The following HCN1 variants were observed in gnomAD, a reference collection of about 807,000 sequenced individuals.
The protein encoded by HCN1 is hyperpolarization activated cyclic nucleotide gated potassium channel 1.
In HCN1, 13 loss-of-function variants were observed where a neutral mutation model predicts 78.9. The observed-to-expected ratio is 0.16, with a 90% CI of 0.11 to 0.26. HCN1 has a LOEUF of 0.26. Among genes scored for constraint, HCN1 ranks in the 10% least tolerant of loss-of-function variants. The pLI, the probability that HCN1 is intolerant of heterozygous loss-of-function variation, is 1.00. For missense variants in HCN1, 810 were observed against 1,154.3 expected, an observed-to-expected ratio of 0.70 and a Z score of 4.32; for synonymous variants, 552 against 455.5, an observed-to-expected ratio of 1.21 and a Z score of -2.70.
chr5:45,275,049 C>A lies in HCN1; in HGVS notation c.1619-7796G>T, dbSNP rs188207101. 2.4e-4 allele frequency among the ~76,000 whole-genome samples: 36 copies of A among 152,176 alleles called. 2 individuals carry two copies. The highest frequency in any genetic ancestry group is 7.9e-4 in the African/African-American group (33 of 41,530). On this transcript the variant is annotated intron_variant, in intron 6 of 7. Coordinates refer to ENST00000303230, the MANE Select transcript of HCN1 (RefSeq NM_021072.4). Reference sequence around the variant, plus strand: ...TCACTTGAGGTCAGGAGTTTAAGACCAGCCTGGCCAACATGGTGAAACCCT... The same window carrying A: ...TCACTTGAGGTCAGGAGTTTAAGACAAGCCTGGCCAACATGGTGAAACCCT...
intron 5 of HCN1, among the ~76,000 whole-genome samples, chr5:45,316,849 A>G (rs1470560753): frequency 6.6e-6 from 1 of 152,164 alleles, no homozygotes; most frequent in African/African-American, 2.4e-5. Context: ...TAGGAATCCA[A>G]TTTACAAGGG....
intron 2 of HCN1, among the ~76,000 whole-genome samples, chr5:45,468,167 A>T (rs1456467314): frequency 6.6e-6 from 1 of 152,164 alleles, no homozygotes; most frequent in African/African-American, 2.4e-5. Flanking sequence ...ATCAAAACTT[A>T]AGAAGTCTTT....
chr5:45,308,009 T>C (rs1208762337), intron 5 of HCN1, among the ~76,000 whole-genome samples: 2 of 152,038 alleles, frequency 1.3e-5, no homozygotes, highest in Non-Finnish European at 2.9e-5. Context: ...AGGTGGTGCA[T>C]GGGAGGAGGT....
chr5:45,549,163 A>G (rs1275681368), intron 2 of HCN1, among the ~76,000 whole-genome samples: 1 of 152,136 alleles, frequency 6.6e-6, no homozygotes, highest in Non-Finnish European at 1.5e-5. Flanking sequence ...GTTCATATGG[A>G]ACCAAAAAAG....
chr5:45,567,773 A>G (rs1276830408), intron 2 of HCN1, among the ~76,000 whole-genome samples: 1 of 152,082 alleles, frequency 6.6e-6, no homozygotes, highest in Non-Finnish European at 1.5e-5. Context: ...CTTCACTTGA[A>G]TGGCCATTTT....
chr5:45,696,125 C>A lies in HCN1; in HGVS notation c.-32G>T. On this transcript the variant is annotated 5_prime_UTR_variant, in exon 1 of 8. Coordinates refer to ENST00000303230, the MANE Select transcript of HCN1 (RefSeq NM_021072.4). ...AGGACGCGGCCGGCGACGGCGCGGGCTCCAGACTCGCCGGCCGCCCGGCGC... is the reference window on the plus strand; with the variant it reads ...AGGACGCGGCCGGCGACGGCGCGGGATCCAGACTCGCCGGCCGCCCGGCGC... The A allele has an allele frequency of 7.7e-7, 1 of 1,292,192 alleles. No homozygotes were observed. Among genetic ancestry groups the A allele is most frequent in the South Asian group, 1.7e-5 (1 of 60,068 alleles). 80.0% of individuals were successfully genotyped at this position (1,292,192 alleles called of 1,614,324 possible). A position where few individuals can be genotyped will look rare whatever the true frequency, so the allele number is the denominator to read the frequency against.
chr5:45,396,400 TAGA>T, intron 4 of HCN1, 89 bp downstream of exon 4: 1 of 916,104 alleles, frequency 1.1e-6, no homozygotes, highest in Admixed American at 2.0e-5. Context: ...TTTTTTTTTA[TAGA>T]GGAGATGGTG....
intron 5 of HCN1, among the ~76,000 whole-genome samples, chr5:45,346,491 A>G (rs943218088): frequency 1.3e-5 from 2 of 152,176 alleles, no homozygotes; most frequent in Non-Finnish European, 2.9e-5. Flanking sequence ...TCATCTCACT[A>G]GGGAGTACCA....
chr5:45,458,928 A>G (rs1182571367), intron 3 of HCN1, among the ~76,000 whole-genome samples: 1 of 152,134 alleles, frequency 6.6e-6, no homozygotes, highest in Non-Finnish European at 1.5e-5. Flanking sequence ...GCACTTCTCC[A>G]TTATAACTCC....
At chr5:45,487,009 G>T (rs1304734003) in intron 2 of HCN1, among the ~76,000 whole-genome samples, 1 of 151,916 alleles carries the variant, frequency 6.6e-6, no homozygotes. Context: ...GTTTCCATTG[G>T]TGTTTCCTGT....
chr5:45,372,033 T>A (rs1385204315), intron 4 of HCN1, among the ~76,000 whole-genome samples: 1 of 63,164 alleles, frequency 1.6e-5, no homozygotes, highest in Non-Finnish European at 2.5e-5. Flanking sequence ...ATAATATAAT[T>A]ATATATATAT....
chr5:45,670,927 T>A (rs1431902671), intron 1 of HCN1, among the ~76,000 whole-genome samples: 1 of 151,736 alleles, frequency 6.6e-6, no homozygotes, highest in Non-Finnish European at 1.5e-5. Context: ...AAATCTCGGT[T>A]ACTTTATTAT....
At chr5:45,498,588 C>T (rs1478699909) in intron 2 of HCN1, among the ~76,000 whole-genome samples, 4 of 152,206 alleles carry the variant, frequency 2.6e-5, no homozygotes, top group African/African-American at 9.6e-5. Flanking sequence ...CTCAGCTCGT[C>T]AAAGTCATTT....
chr5:45,657,008 C>T (rs1486119572), intron 1 of HCN1, among the ~76,000 whole-genome samples: 7 of 151,910 alleles, frequency 4.6e-5, no homozygotes, highest in African/African-American at 9.7e-5. Flanking sequence ...CTGGCAGCTG[C>T]GTATTATCTG....
At chr5:45,351,676 A>C (rs1275005423) in intron 5 of HCN1, among the ~76,000 whole-genome samples, 3 of 145,374 alleles carry the variant, frequency 2.1e-5, no homozygotes, top group Admixed American at 6.9e-5. Context: ...AAACAAATTT[A>C]TAAGAAAAAA....
chr5:45,456,223 G>A (rs1056614688), intron 3 of HCN1, among the ~76,000 whole-genome samples: 11 of 151,922 alleles, frequency 7.2e-5, no homozygotes, highest in African/African-American at 2.7e-4. Flanking sequence ...TTAGAGTATG[G>A]TCAAGTGATT....
chr5:45,300,106 TA>T (rs1417624545), intron 6 of HCN1, among the ~76,000 whole-genome samples: 1 of 152,052 alleles, frequency 6.6e-6, no homozygotes, highest in Admixed American at 6.6e-5. Flanking sequence ...GTAAGGTATT[TA>T]AAACCTCCTC....
At chr5:45,376,943 A>G (rs1382086294) in intron 4 of HCN1, among the ~76,000 whole-genome samples, 2 of 152,048 alleles carry the variant, frequency 1.3e-5, no homozygotes, top group East Asian at 1.9e-4. Context: ...GAATAAGAAG[A>G]GTGCAACCAG....
intron 4 of HCN1, among the ~76,000 whole-genome samples, chr5:45,381,122 G>T (rs1053516122): frequency 1.3e-5 from 2 of 152,044 alleles, no homozygotes; most frequent in Non-Finnish European, 2.9e-5. Flanking sequence ...ATAATTATAG[G>T]ATTAGCAAGT....
Sources: allele counts gnomAD v4.1 joint callset (sites outside exome capture counted in the v4.1 genomes callset), GRCh38; gene constraint gnomAD v4.1.1; transcripts MANE v1.5; gene names NCBI Gene and HGNC (gene_info 2026-07-23, HGNC 2026-07-21).